BMPR2: variants seen among roughly 807,000 people sequenced by gnomAD.
BMPR2 encodes bone morphogenetic protein receptor type-2.
A neutral mutation model predicts 100.8 loss-of-function variants in BMPR2; 29 were observed. The observed-to-expected ratio is 0.29, with a 90% CI of 0.21 to 0.39. BMPR2 has a LOEUF of 0.39. BMPR2 is among the 10% of genes least tolerant of loss of function. BMPR2 has a pLI of 1.00. For synonymous variants in BMPR2, 382 were observed against 442.3 expected, an observed-to-expected ratio of 0.86 and a Z score of 1.71; for missense variants, 1,011 against 1,274.5, an observed-to-expected ratio of 0.79 and a Z score of 3.15.
At chr2:202,479,996 A>G (rs1299871545) in intron 3 of BMPR2, among the ~76,000 whole-genome samples, 1 of 152,136 alleles carries the variant, frequency 6.6e-6, no homozygotes, top group Non-Finnish European at 1.5e-5. Flanking sequence ...CTTTTTACAT[A>G]GTAGATACAA....
chr2:202,377,627 C>T, intron 1 of BMPR2, 77 bp downstream of exon 1: 1 of 1,530,674 alleles, frequency 6.5e-7, no homozygotes, highest in South Asian at 1.1e-5. Flanking sequence ...AGGCCGAGGC[C>T]TGTGCTTGCC....
chr2:202,500,066 A>G (rs536687521), intron 3 of BMPR2, among the ~76,000 whole-genome samples: 35 of 152,344 alleles, frequency 2.3e-4, no homozygotes, highest in African/African-American at 7.9e-4. Context: ...CAGAAGGCCC[A>G]ACCAGATGAT....
intron 9 of BMPR2, among the ~76,000 whole-genome samples, chr2:202,536,139 G>C (rs1688153358): frequency 6.6e-6 from 1 of 152,060 alleles, no homozygotes; most frequent in African/African-American, 2.4e-5. Context: ...AAGAGACAGA[G>C]CCTCACTCTG....
At chr2:202,381,223 T>A (rs1690286579) in intron 1 of BMPR2, among the ~76,000 whole-genome samples, 1 of 152,144 alleles carries the variant, frequency 6.6e-6, no homozygotes, top group Admixed American at 6.5e-5. Context: ...TCTGCCTGCC[T>A]CTGCCTCCGA....
intron 3 of BMPR2, among the ~76,000 whole-genome samples, chr2:202,510,577 TA>T (rs1427763887): frequency 2.0e-5 from 3 of 152,226 alleles, no homozygotes; most frequent in African/African-American, 7.2e-5. Flanking sequence ...CATGAATCTA[TA>T]AATTATTTAG....
At chr2:202,400,238 C>T (rs572821908) in intron 1 of BMPR2, among the ~76,000 whole-genome samples, 15 of 152,194 alleles carry the variant, frequency 9.9e-5, no homozygotes, top group African/African-American at 3.6e-4. Context: ...AAATCCTGGG[C>T]TCAAGCCATC....
chr2:202,460,441 GA>G (rs1692204155), intron 1 of BMPR2, among the ~76,000 whole-genome samples: 1 of 152,070 alleles, frequency 6.6e-6, no homozygotes, highest in African/African-American at 2.4e-5. Context: ...TGGAGAAAAA[GA>G]AAACTTTAAG....
rs776284920 is a variant in BMPR2 at position 202,556,324 on chromosome 2, C to T, written c.2659C>T (p.Leu887Phe). The change falls in exon 12 of 13, where the codon CTT becomes TTT. Residue 887 changes from leucine to phenylalanine, a missense_variant. Leu to Phe is a conservative substitution (Grantham distance 22). Coordinates refer to ENST00000374580, the MANE Select transcript of BMPR2 (RefSeq NM_001204.7). Reference protein sequence around the residue: ...AGHDEGVLDRLVDRRERPLEG... With the variant: ...AGHDEGVLDRFVDRRERPLEG... Reference sequence around the variant, plus strand: ...CCATGATGAAGGTGTTCTGGATCGTCTTGTGGACAGGAGGGAACGGCCACT... The same window carrying T: ...CCATGATGAAGGTGTTCTGGATCGTTTTGTGGACAGGAGGGAACGGCCACT... 4 of 1,614,202 alleles carry T rather than the reference C, an allele frequency of 2.5e-6. No homozygotes were observed. In the Admixed American group the frequency reaches 5.0e-5, roughly 20 times the overall value.
intron 3 of BMPR2, among the ~76,000 whole-genome samples, chr2:202,506,448 G>C (rs772384312): frequency 6.6e-6 from 1 of 152,074 alleles, no homozygotes; most frequent in South Asian, 2.1e-4. Context: ...GAGCCACCAT[G>C]CCTGGCCTTT....
rs1687600836 is a variant in BMPR2, at chr2:202,510,563, T to C, written c.419-3156T>C. On this transcript the variant is annotated intron_variant, in intron 3 of 12. Transcript: ENST00000374580. ...TATAGGCACATAAAATATCCTTGTA[T>C]AGTCATGAATCTATAAATTATTTAG... is the stretch of plus-strand genomic sequence containing the variant. Among the ~76,000 whole-genome samples, 3 of 152,228 alleles carry C rather than the reference T, an allele frequency of 2.0e-5. No homozygotes were observed. In the South Asian group the frequency reaches 6.2e-4, roughly 32 times the overall value.
At chr2:202,558,933 GA>G (rs535861083) in intron 12 of BMPR2, among the ~76,000 whole-genome samples, 2 of 151,172 alleles carry the variant, frequency 1.3e-5, no homozygotes, top group Admixed American at 1.3e-4. Flanking sequence ...ATAGGAAGAG[GA>G]AATTATTAGA....
intron 3 of BMPR2, among the ~76,000 whole-genome samples, chr2:202,499,878 G>C (rs80120118): frequency 6.6e-6 from 1 of 152,226 alleles, no homozygotes; most frequent in African/African-American, 2.4e-5. Flanking sequence ...TGGTGGTTCA[G>C]AGAGGACAGA....
intron 3 of BMPR2, among the ~76,000 whole-genome samples, chr2:202,492,725 C>A (rs140629835): frequency 0.053 from 5,723 of 107,382 alleles, 35 homozygotes; most frequent in Non-Finnish European, 0.067. Flanking sequence ...AAAAAAAAAC[C>A]AAAAAAAAAA....
At chr2:202,517,534 T>C (rs1687735494) in intron 5 of BMPR2, among the ~76,000 whole-genome samples, 2 of 151,706 alleles carry the variant, frequency 1.3e-5, no homozygotes, top group African/African-American at 4.8e-5. Flanking sequence ...GTATTTCTAG[T>C]AGAGATGGGG....
intron 1 of BMPR2, among the ~76,000 whole-genome samples, chr2:202,390,768 G>A (rs574633156): frequency 6.6e-6 from 1 of 152,090 alleles, no homozygotes; most frequent in South Asian, 2.1e-4. Flanking sequence ...TTTCATGCTT[G>A]TCAGCCAGTT....
intron 1 of BMPR2, among the ~76,000 whole-genome samples, chr2:202,404,875 CTGGAGTGCCAGGT>C (rs1250222527): frequency 6.6e-6 from 1 of 152,120 alleles, no homozygotes; most frequent in Non-Finnish European, 1.5e-5. Context: ...CTCTGCCAGG[CTGGAGTGCCAGGT>C]TGGAGGCTCA....
At chr2:202,522,396 A>G (rs1687833751) in intron 7 of BMPR2, among the ~76,000 whole-genome samples, 1 of 151,744 alleles carries the variant, frequency 6.6e-6, no homozygotes, top group Non-Finnish European at 1.5e-5. Context: ...ATTCCCAGCT[A>G]CTGAGGAGGC....
Position 202,542,452 on chromosome 2 carries a change from G to GA in BMPR2, c.1413+11dup. 1 of 1,613,700 alleles carries GA rather than the reference G, an allele frequency of 6.2e-7. No individual in the cohort carries two copies. The highest frequency in any genetic ancestry group is 1.3e-5 in the African/African-American group (1 of 74,994). Reference sequence around the variant, plus strand: ...GCCTGGAAAGAAAATAGCCTGGTAAGAAAAAACTAAGTTATTAAAGAGAGG... The same window carrying GA: ...GCCTGGAAAGAAAATAGCCTGGTAAGAAAAAAACTAAGTTATTAAAGAGAGG... On this transcript the variant is annotated splice_donor_region_variant and intron_variant, in intron 10 of 12. Coordinates refer to ENST00000374580, the MANE Select transcript of BMPR2 (RefSeq NM_001204.7).
chr2:202,432,054 T>C lies in BMPR2; in HGVS notation c.77-32755T>C, dbSNP rs561006138. On this transcript the variant is annotated intron_variant, in intron 1 of 12. Coordinates refer to ENST00000374580, the MANE Select transcript of BMPR2 (RefSeq NM_001204.7). ...GTGTGTGCATATGTACAAATGTGTG[T>C]TTGGGGTTGCCATTAAAAACAATAA... Among the ~76,000 whole-genome samples the C allele has an allele frequency of 5.3e-5, 8 of 150,692 alleles. No individual in the cohort carries two copies. The East Asian group carries it at 1.5e-3, about 29-fold the overall frequency.
Sources: allele counts gnomAD v4.1 joint callset (sites outside exome capture counted in the v4.1 genomes callset), GRCh38; gene constraint gnomAD v4.1.1; transcripts MANE v1.5; gene names NCBI Gene and HGNC (gene_info 2026-07-23, HGNC 2026-07-21).